Variants in NCAM2 observed in about 807,000 individuals in gnomAD.
The protein encoded by NCAM2 is N-CAM-2.
NCAM2 carries 30 observed loss-of-function variants against 98.1 expected under a neutral mutation model. The ratio of observed to expected loss-of-function variants is 0.31; its 90% CI spans 0.23 to 0.41. NCAM2 has a LOEUF of 0.41. Among genes scored for constraint, NCAM2 ranks in the 10% least tolerant of loss-of-function variants. NCAM2 has a pLI of 1.00. For synonymous variants in NCAM2, 368 were observed against 342.4 expected, an observed-to-expected ratio of 1.07 and a Z score of -0.83; for missense variants, 867 against 1,005.8, an observed-to-expected ratio of 0.86 and a Z score of 1.87.
At chr21:21,248,444 A>G (rs2071358368) in intron 1 of NCAM2, among the ~76,000 whole-genome samples, 1 of 152,100 alleles carries the variant, frequency 6.6e-6, no homozygotes, top group South Asian at 2.1e-4. Context: ...TCCTTGAAAC[A>G]CAGGAAAAAA....
At chr21:21,499,399 G>A (rs374656457) in intron 15 of NCAM2, among the ~76,000 whole-genome samples, 6 of 152,060 alleles carry the variant, frequency 3.9e-5, no homozygotes, top group East Asian at 1.9e-4. Flanking sequence ...GTGCCACCAC[G>A]CCCAGTTAAT....
At chr21:21,265,282 T>A (rs1251177385) in intron 1 of NCAM2, among the ~76,000 whole-genome samples, 1 of 130,268 alleles carries the variant, frequency 7.7e-6, no homozygotes, top group Non-Finnish European at 1.6e-5. Context: ...TATGTACACA[T>A]ATGTGTGTAT....
At chr21:21,184,488 A>G (rs1034686033) in intron 1 of NCAM2, among the ~76,000 whole-genome samples, 20 of 152,040 alleles carry the variant, frequency 1.3e-4, no homozygotes, top group African/African-American at 4.1e-4. Flanking sequence ...TTAAAATCTG[A>G]TGCCTGGGCT....
At chr21:21,305,454 A>T (rs2218433) in intron 5 of NCAM2, among the ~76,000 whole-genome samples, 1 of 152,028 alleles carries the variant, frequency 6.6e-6, no homozygotes, top group Admixed American at 6.6e-5. Context: ...GTGAATAGAA[A>T]TGATACAATT....
At chr21:21,034,460 A>C (rs1396384337) in intron 1 of NCAM2, among the ~76,000 whole-genome samples, 1 of 152,166 alleles carries the variant, frequency 6.6e-6, no homozygotes, top group Non-Finnish European at 1.5e-5. Context: ...TCGTCCATAC[A>C]TCAACAGGCA....
chr21:21,470,515 TAA>T (rs1984307397), intron 14 of NCAM2, among the ~76,000 whole-genome samples: 2 of 152,060 alleles, frequency 1.3e-5, no homozygotes. Flanking sequence ...GGCTTACTGA[TAA>T]AGTTTAAACA....
chr21:21,181,816 C>T (rs962625363), intron 1 of NCAM2, among the ~76,000 whole-genome samples: 1 of 151,974 alleles, frequency 6.6e-6, no homozygotes, highest in Non-Finnish European at 1.5e-5. Context: ...TCAGACAGAT[C>T]TTGTATTAAT....
chr21:21,444,625 G>A (rs1418985225), intron 12 of NCAM2, among the ~76,000 whole-genome samples: 3 of 152,154 alleles, frequency 2.0e-5, no homozygotes, highest in Non-Finnish European at 4.4e-5. Flanking sequence ...TTTGCATAGA[G>A]GTGTTTATAG....
chr21:21,131,074 T>C (rs979512665), intron 1 of NCAM2, among the ~76,000 whole-genome samples: 1 of 152,168 alleles, frequency 6.6e-6, no homozygotes, highest in Non-Finnish European at 1.5e-5. Flanking sequence ...TGAAAAGGAA[T>C]AGACCATTTA....
At chr21:21,245,251 A>C (rs2071219287) in intron 1 of NCAM2, among the ~76,000 whole-genome samples, 1 of 152,176 alleles carries the variant, frequency 6.6e-6, no homozygotes, top group African/African-American at 2.4e-5. Flanking sequence ...ACTTCTCTGT[A>C]TGCTACACTC....
chr21:21,205,697 C>T (rs1191369658), intron 1 of NCAM2, among the ~76,000 whole-genome samples: 2 of 152,002 alleles, frequency 1.3e-5, no homozygotes, highest in Non-Finnish European at 2.9e-5. Flanking sequence ...TTACTCTATT[C>T]AGCAGCTATA....
intron 1 of NCAM2, among the ~76,000 whole-genome samples, chr21:21,265,003 T>TATACAG (rs1555846957): frequency 1.8e-5 from 2 of 110,780 alleles, no homozygotes; most frequent in African/African-American, 6.6e-5. Context: ...TGTGTATATA[T>TATACAG]ACACATATAT....
intron 1 of NCAM2, among the ~76,000 whole-genome samples, chr21:21,259,956 A>G (rs2071830131): frequency 7.9e-6 from 1 of 126,020 alleles, no homozygotes; most frequent in South Asian, 2.4e-4. Context: ...ACACACACAC[A>G]CACACACACA....
At chr21:21,390,509 G>C (rs753780535) in intron 9 of NCAM2, among the ~76,000 whole-genome samples, 1 of 152,086 alleles carries the variant, frequency 6.6e-6, no homozygotes, top group African/African-American at 2.4e-5. Flanking sequence ...CCAGTAGGGA[G>C]ACTATTGCAA....
chr21:21,072,963 T>C (rs983366749), intron 1 of NCAM2, among the ~76,000 whole-genome samples: 1 of 151,486 alleles, frequency 6.6e-6, no homozygotes, highest in African/African-American at 2.4e-5. Context: ...TCATACCCAT[T>C]AAGCAATAAC....
At chr21:21,034,313 G>C (rs2064754477) in intron 1 of NCAM2, among the ~76,000 whole-genome samples, 1 of 152,076 alleles carries the variant, frequency 6.6e-6, no homozygotes, top group Non-Finnish European at 1.5e-5. Flanking sequence ...TACAAAAAAA[G>C]GTTGATGTTT....
chr21:21,032,270 AAT>A (rs557477416), intron 1 of NCAM2, among the ~76,000 whole-genome samples: 3 of 152,288 alleles, frequency 2.0e-5, no homozygotes, highest in South Asian at 2.1e-4. Context: ...ATCTAATGCA[AAT>A]ATGTTTTTTA....
At chr21:21,437,413 G>T (rs1445631605) in intron 12 of NCAM2, among the ~76,000 whole-genome samples, 1 of 151,534 alleles carries the variant, frequency 6.6e-6, no homozygotes, top group Non-Finnish European at 1.5e-5. Context: ...TTTATACTAT[G>T]TGAGCAATTC....
intron 1 of NCAM2, among the ~76,000 whole-genome samples, chr21:21,212,218 G>T (rs940196865): frequency 1.3e-5 from 2 of 152,136 alleles, no homozygotes; most frequent in Non-Finnish European, 2.9e-5. Flanking sequence ...CCGAATATTA[G>T]TAATAAAAAG....
Sources: gnomAD v4.1 joint callset for allele counts (sites outside exome capture counted in the v4.1 genomes callset) on GRCh38, gnomAD v4.1.1 for gene constraint, MANE v1.5 for transcripts, NCBI Gene and HGNC (gene_info 2026-07-23, HGNC 2026-07-21) for gene names.